Variants in PTPRD observed in about 807,000 individuals in gnomAD.
PTPRD encodes the protein protein tyrosine phosphatase receptor type D.
In PTPRD, 34 loss-of-function variants were observed where a neutral mutation model predicts 214.5. That is an observed-to-expected ratio of 0.16 (90% CI 0.12 to 0.21). The LOEUF (loss-of-function observed/expected upper bound fraction) is 0.21. Among genes scored for constraint, PTPRD ranks in the 10% least tolerant of loss-of-function variants. The pLI, the probability that PTPRD is intolerant of heterozygous loss-of-function variation, is 1.00. For synonymous variants in PTPRD, 1,128 were observed against 845.7 expected (o/e 1.33, Z -5.79); for missense variants, 2,545 against 2,398.7 (o/e 1.06, Z -1.27).
intron 3 of PTPRD, among the ~76,000 whole-genome samples, chr9:10,179,603 T>C (rs79873951): frequency 6.6e-6 from 1 of 152,072 alleles, no homozygotes; most frequent in African/African-American, 2.4e-5. Context: ...CTTTGGGATA[T>C]GATAACTTAC....
intron 11 of PTPRD, among the ~76,000 whole-genome samples, chr9:8,757,508 G>C (rs1022374689): frequency 5.9e-5 from 9 of 151,846 alleles, no homozygotes; most frequent in Admixed American, 3.9e-4. Flanking sequence ...AAGCCAATTT[G>C]TGGGAGACCT....
At chr9:8,359,999 T>G (rs890759079) in intron 39 of PTPRD, among the ~76,000 whole-genome samples, 9 of 152,212 alleles carry the variant, frequency 5.9e-5, no homozygotes, top group African/African-American at 2.2e-4. Context: ...AGGAGGCTAC[T>G]CTCCAGGTTG....
intron 2 of PTPRD, among the ~76,000 whole-genome samples, chr9:10,412,805 C>G (rs185233421): frequency 5.3e-5 from 8 of 151,726 alleles, no homozygotes; most frequent in Non-Finnish European, 1.0e-4. Flanking sequence ...GTTGCTTCAA[C>G]GTACACAAAT....
In PTPRD at chr9:10,577,351, G is replaced by A. The variant is rs145158921; in HGVS notation, c.-600+35047C>T. On this transcript the variant is annotated intron_variant, in intron 2 of 45. Coordinates refer to ENST00000381196, the MANE Select transcript of PTPRD (RefSeq NM_002839.4). ...TTCACTAATGTCTGTCATCACTGCT[G>A]AGCTATTGATCATTCATATTGAATG... Among the ~76,000 whole-genome samples, 30 of 152,240 alleles carry A rather than the reference G, an allele frequency of 2.0e-4. No individual in the cohort carries two copies. The East Asian group carries it at 4.8e-3, about 24-fold the overall frequency.
At chr9:8,444,592 C>T (rs1363159720) in intron 34 of PTPRD, among the ~76,000 whole-genome samples, 2 of 152,014 alleles carry the variant, frequency 1.3e-5, no homozygotes, top group Admixed American at 6.5e-5. Context: ...TCTAAAAGTG[C>T]TTTTGTTGGA....
rs146124204 is a variant in PTPRD, at chr9:10,567,392, A to C, written c.-600+45006T>G. 2.8e-4 allele frequency among the ~76,000 whole-genome samples: 42 copies of C among 152,252 alleles called. No homozygotes were observed. In the East Asian group the frequency reaches 6.2e-3, roughly 22 times the overall value. On this transcript the variant is annotated intron_variant, in intron 2 of 45. Coordinates refer to ENST00000381196, the MANE Select transcript of PTPRD (RefSeq NM_002839.4). The stretch of plus-strand genomic sequence containing the variant: ...TACTATAGCTTTTCTGCAAAAAATA[A>C]TTAGAATATAAAACTTCTATTTCCT...
chr9:9,249,520 C>A (rs1002872967), intron 9 of PTPRD, among the ~76,000 whole-genome samples: 1 of 152,052 alleles, frequency 6.6e-6, no homozygotes, highest in African/African-American at 2.4e-5. Flanking sequence ...GCTTATTATA[C>A]CTCATAAACT....
At chr9:8,468,293 T>C (rs900994951) in intron 31 of PTPRD, among the ~76,000 whole-genome samples, 2 of 151,980 alleles carry the variant, frequency 1.3e-5, no homozygotes, top group African/African-American at 4.8e-5. Flanking sequence ...TCAGCCAGCA[T>C]GTTGCAGTTA....
chr9:10,580,766 G>A (rs575859072), intron 2 of PTPRD, among the ~76,000 whole-genome samples: 1 of 152,214 alleles, frequency 6.6e-6, no homozygotes, highest in South Asian at 2.1e-4. Flanking sequence ...TAAAACATGG[G>A]TAGTACACCT....
intron 11 of PTPRD, among the ~76,000 whole-genome samples, chr9:8,961,381 T>A (rs961097642): frequency 5.9e-5 from 9 of 152,124 alleles, no homozygotes; most frequent in African/African-American, 2.2e-4. Context: ...CATGGTCATT[T>A]CAGTTGCAGA....
At chr9:9,699,427 G>A (rs1358266362) in intron 7 of PTPRD, among the ~76,000 whole-genome samples, 1 of 151,916 alleles carries the variant, frequency 6.6e-6, no homozygotes, top group Non-Finnish European at 1.5e-5. Context: ...TCCCCCTTAG[G>A]AATGAAATGC....
intron 3 of PTPRD, among the ~76,000 whole-genome samples, chr9:10,207,946 A>T (rs1416714611): frequency 6.6e-6 from 1 of 152,220 alleles, no homozygotes. Flanking sequence ...ATCAATTCCC[A>T]CACATTCAGA....
intron 11 of PTPRD, among the ~76,000 whole-genome samples, chr9:9,018,288 T>C (rs945556682): frequency 6.6e-6 from 1 of 152,132 alleles, no homozygotes; most frequent in African/African-American, 2.4e-5. Flanking sequence ...AACTACTCAC[T>C]GCTCACTAAC....
At chr9:8,410,809 C>A (rs552520171) in intron 35 of PTPRD, among the ~76,000 whole-genome samples, 36 of 152,050 alleles carry the variant, frequency 2.4e-4, no homozygotes, top group Non-Finnish European at 4.7e-4. Context: ...ATAACAAATA[C>A]GTATAGAAAA....
chr9:8,370,967 C>A (rs1371280593), intron 39 of PTPRD, among the ~76,000 whole-genome samples: 1 of 152,038 alleles, frequency 6.6e-6, no homozygotes, highest in Non-Finnish European at 1.5e-5. Flanking sequence ...AAAGCAGTAA[C>A]ACATATAAAG....
chr9:9,860,110 T>C (rs938838963), intron 5 of PTPRD, among the ~76,000 whole-genome samples: 2 of 152,160 alleles, frequency 1.3e-5, no homozygotes, highest in African/African-American at 4.8e-5. Context: ...ATGAACAATA[T>C]CTACTATAAA....
At chr9:9,952,653 C>T (rs1196899341) in intron 4 of PTPRD, among the ~76,000 whole-genome samples, 1 of 152,036 alleles carries the variant, frequency 6.6e-6, no homozygotes, top group Non-Finnish European at 1.5e-5. Context: ...TCTCCCTTCC[C>T]TAAAGAGTCC....
chr9:10,099,366 T>C (rs1342716850), intron 3 of PTPRD, among the ~76,000 whole-genome samples: 1 of 151,692 alleles, frequency 6.6e-6, no homozygotes, highest in Non-Finnish European at 1.5e-5. Flanking sequence ...CATGAGTTAA[T>C]ATAATAGAGT....
At chr9:8,752,875 C>T (rs6477348) in intron 11 of PTPRD, among the ~76,000 whole-genome samples, 104,970 of 152,042 alleles carry the variant, frequency 0.69, 36,255 homozygotes, top group Middle Eastern at 0.76. Context: ...TAAGTGGGTA[C>T]TGGGTTAAGC....
Sources: gnomAD v4.1 joint callset for allele counts (sites outside exome capture counted in the v4.1 genomes callset) on GRCh38, gnomAD v4.1.1 for gene constraint, MANE v1.5 for transcripts, NCBI Gene and HGNC (gene_info 2026-07-23, HGNC 2026-07-21) for gene names.